LARGE1: variants seen among roughly 807,000 people sequenced by gnomAD.
LARGE1 encodes the protein xylosyl- and glucuronyltransferase LARGE1.
Under a neutral mutation model 87.6 loss-of-function variants are expected in LARGE1, and 43 were observed. That is an observed-to-expected ratio of 0.49 (90% confidence interval 0.38 to 0.63). The LOEUF (loss-of-function observed/expected upper bound fraction) is 0.63, where lower values mean the gene tolerates loss of function less well. Among genes scored for constraint, LARGE1 ranks in the 30% least tolerant of loss-of-function variants. The pLI, the probability that LARGE1 is intolerant of heterozygous loss-of-function variation, is 0.00. For missense variants in LARGE1, 802 were observed against 1,000.2 expected (o/e 0.80, Z 2.67); for synonymous variants, 434 against 394.6 (o/e 1.10, Z -1.18).
chr22:33,919,688 G>GCC (rs1347788587), intron 1 of LARGE1, among the ~76,000 whole-genome samples: 1 of 152,270 alleles, frequency 6.6e-6, no homozygotes, highest in Non-Finnish European at 1.5e-5. Context: ...TAACAAGAGG[G>GCC]CCGGGGGTGC....
At chr22:33,440,806 G>A (rs913147475) in intron 6 of LARGE1, among the ~76,000 whole-genome samples, 1 of 152,122 alleles carries the variant, frequency 6.6e-6, no homozygotes, top group Non-Finnish European at 1.5e-5. Context: ...CTGAACCTGT[G>A]TGTTTCACAG....
intron 1 of LARGE1, among the ~76,000 whole-genome samples, chr22:33,845,733 T>C (rs1210437084): frequency 6.6e-6 from 1 of 152,182 alleles, no homozygotes. Flanking sequence ...CCTATGTACC[T>C]ATGACCCAAT....
At chr22:33,770,382 C>T (rs2085029275) in intron 1 of LARGE1, among the ~76,000 whole-genome samples, 1 of 152,194 alleles carries the variant, frequency 6.6e-6, no homozygotes, top group Admixed American at 6.5e-5. Flanking sequence ...GTTCCCTGAA[C>T]TTAAAAGGTG....
intron 1 of LARGE1, among the ~76,000 whole-genome samples, chr22:33,892,348 G>A (rs915496099): frequency 2.0e-5 from 3 of 151,964 alleles, no homozygotes; most frequent in Admixed American, 2.0e-4. Context: ...GCAGCTGGCA[G>A]GGCACACTCT....
the LARGE1 span, among the ~76,000 whole-genome samples, chr22:33,099,544 G>A: frequency 2.7e-3 from 410 of 152,264 alleles, 3 homozygotes; most frequent in African/African-American, 9.6e-3. Flanking sequence ...GAGCCACCGC[G>A]CCCGGCGAGG....
chr22:33,244,287 G>A lies in LARGE1; in HGVS notation c.1730+59942C>T, dbSNP rs74762274. Among the ~76,000 whole-genome samples the A allele has an allele frequency of 2.7e-3, 418 of 152,074 alleles. 4 individuals carry two copies. The highest frequency in any genetic ancestry group is 4.5e-3 in the Admixed American group (68 of 15,274). Reference sequence around the variant, plus strand: ...TGGGATTACAGACATGAGCCACCGCGCCCGGCCTATAGTTTTTAAAGTCTT... The same window carrying A: ...TGGGATTACAGACATGAGCCACCGCACCCGGCCTATAGTTTTTAAAGTCTT... On this transcript the variant is annotated intron_variant, in intron 11 of 11. Transcript: ENST00000608642.
At chr22:33,699,433 A>G (rs1335273773) in intron 2 of LARGE1, among the ~76,000 whole-genome samples, 1 of 152,200 alleles carries the variant, frequency 6.6e-6, no homozygotes, top group Non-Finnish European at 1.5e-5. Flanking sequence ...ACATTCCTAG[A>G]AGCAGAGCCA....
the LARGE1 span, among the ~76,000 whole-genome samples, chr22:33,075,009 T>C: frequency 2.6e-5 from 4 of 152,246 alleles, no homozygotes; most frequent in Non-Finnish European, 5.9e-5. Flanking sequence ...CGAGCTTATG[T>C]AACTTGGCCA....
intron 1 of LARGE1, among the ~76,000 whole-genome samples, chr22:33,857,463 G>A (rs2063787732): frequency 6.6e-6 from 1 of 152,238 alleles, no homozygotes; most frequent in African/African-American, 2.4e-5. Flanking sequence ...ATGTTCACTT[G>A]CAGTAAGTTT....
chr22:33,883,866 T>C (rs1241862390), intron 1 of LARGE1, among the ~76,000 whole-genome samples: 1 of 152,162 alleles, frequency 6.6e-6, no homozygotes, highest in Non-Finnish European at 1.5e-5. Context: ...CCTCCCTCTC[T>C]CTCCCTTCTG....
intron 7 of LARGE1, among the ~76,000 whole-genome samples, chr22:33,399,905 G>A (rs1004235494): frequency 6.6e-6 from 1 of 152,200 alleles, no homozygotes; most frequent in Non-Finnish European, 1.5e-5. Flanking sequence ...TTCCAGTAAA[G>A]TAATATCACT....
At position 33,391,231 on chromosome 22, in the gene LARGE1, G is replaced by A. The variant is rs563860867; in HGVS notation, c.893-6927C>T. ...TTCATTTCAAAATTTTTTTATTTGA[G>A]CACCTGCTTTGGTTCTATTCATTAG... On this transcript the variant is annotated intron_variant, in intron 7 of 14. Coordinates refer to ENST00000397394, the MANE Select transcript of LARGE1 (RefSeq NM_133642.5). 1.1e-4 allele frequency among the ~76,000 whole-genome samples: 16 copies of A among 152,180 alleles called. No homozygotes were observed. In the South Asian group the frequency reaches 3.1e-3, roughly 30 times the overall value.
At chr22:33,832,927 C>G (rs1031026265) in intron 1 of LARGE1, among the ~76,000 whole-genome samples, 1 of 152,220 alleles carries the variant, frequency 6.6e-6, no homozygotes, top group African/African-American at 2.4e-5. Flanking sequence ...GCAGGCACTA[C>G]GGGCCCATCT....
intron 2 of LARGE1, among the ~76,000 whole-genome samples, chr22:33,753,175 A>T: frequency 6.6e-6 from 1 of 152,178 alleles, no homozygotes; most frequent in East Asian, 1.9e-4. Context: ...AACTGAGATC[A>T]CACCACTGCA....
At chr22:33,638,053 T>C (rs978948691) in intron 3 of LARGE1, among the ~76,000 whole-genome samples, 7 of 152,072 alleles carry the variant, frequency 4.6e-5, no homozygotes, top group Non-Finnish European at 8.8e-5. Flanking sequence ...TTTTTGTGGA[T>C]TTACATCCTT....
intron 2 of LARGE1, among the ~76,000 whole-genome samples, chr22:33,715,141 T>C (rs2082872343): frequency 6.6e-6 from 1 of 152,188 alleles, no homozygotes; most frequent in South Asian, 2.1e-4. Flanking sequence ...ATCTTCACTT[T>C]ACACAATCAA....
intron 1 of LARGE1, among the ~76,000 whole-genome samples, chr22:33,905,178 C>A (rs1472745366): frequency 6.6e-6 from 1 of 151,240 alleles, no homozygotes; most frequent in Non-Finnish European, 1.5e-5. Flanking sequence ...GAATCCACCT[C>A]CCAGTCTCCT....
rs914909506 is a variant in LARGE1, at chr22:33,479,608, TAA to T, written c.788-47345_788-47344del. Among the ~76,000 whole-genome samples, 6 of 152,294 alleles carry T rather than the reference TAA, an allele frequency of 3.9e-5. No homozygotes were observed. In the East Asian group the frequency reaches 1.2e-3, roughly 29 times the overall value. On this transcript the variant is annotated intron_variant, in intron 6 of 14. Transcript: ENST00000397394. ...AAGCTACTATTTGGAAAATTAGCAG[TAA>T]ATAATTCCTACTCACCAACAAATCA...
chr22:33,790,672 T>G (rs1193182814), intron 1 of LARGE1, among the ~76,000 whole-genome samples: 1 of 152,234 alleles, frequency 6.6e-6, no homozygotes, highest in African/African-American at 2.4e-5. Context: ...AGATATATGA[T>G]GAAAGACCAG....
Sources: allele counts gnomAD v4.1 joint callset (sites outside exome capture counted in the v4.1 genomes callset), GRCh38; gene constraint gnomAD v4.1.1; transcripts MANE v1.5; gene names NCBI Gene and HGNC (gene_info 2026-07-23, HGNC 2026-07-21).